The following NEBL variants were observed in gnomAD, a reference collection of about 807,000 sequenced individuals.
NEBL encodes the protein nebulette.
Under a neutral mutation model 140.2 loss-of-function variants are expected in NEBL, and 122 were observed. The observed-to-expected ratio is 0.87, with a 90% CI of 0.75 to 1.01. The LOEUF is 1.01. NEBL is among the 50% of genes least tolerant of loss of function. The pLI is 0.00. For missense variants in NEBL, 1,365 were observed against 1,231.3 expected (o/e 1.11, Z -1.62); for synonymous variants, 436 against 398.9 (o/e 1.09, Z -1.11).
At chr10:20,903,413 G>A (rs558220045) in intron 4 of NEBL, among the ~76,000 whole-genome samples, 1 of 152,210 alleles carries the variant, frequency 6.6e-6, no homozygotes, top group African/African-American at 2.4e-5. Flanking sequence ...ATACACTGCT[G>A]GTGGGAATGT....
chr10:20,996,141 T>C (rs1837656961), intron 3 of NEBL, among the ~76,000 whole-genome samples: 1 of 152,140 alleles, frequency 6.6e-6, no homozygotes, highest in African/African-American at 2.4e-5. Context: ...GCTGGAGACT[T>C]CTAGATGCTT....
intron 2 of NEBL, among the ~76,000 whole-genome samples, chr10:21,152,162 G>A (rs796192240): frequency 3.9e-5 from 6 of 152,182 alleles, no homozygotes; most frequent in Non-Finnish European, 5.9e-5. Context: ...GAATGCAGGC[G>A]GAGTCAAGTC....
chr10:20,794,521 T>C (rs1836314472), intron 26 of NEBL, among the ~76,000 whole-genome samples: 1 of 152,206 alleles, frequency 6.6e-6, no homozygotes, highest in Admixed American at 6.5e-5. Context: ...GAAATATACA[T>C]ACCATAAATG....
chr10:20,914,990 A>T, intron 4 of NEBL, among the ~76,000 whole-genome samples: 1 of 26,676 alleles, frequency 3.7e-5, no homozygotes, highest in African/African-American at 1.1e-4. Flanking sequence ...TTTTGGAGAG[A>T]TGGGGTTTCA....
chr10:20,923,192 C>T (rs1262313335), intron 4 of NEBL, among the ~76,000 whole-genome samples: 2 of 152,028 alleles, frequency 1.3e-5, no homozygotes, highest in East Asian at 1.9e-4. Flanking sequence ...CTCAGCCTCC[C>T]AAGTAGCTGG....
chr10:21,012,809 C>T (rs762213333), intron 3 of NEBL, among the ~76,000 whole-genome samples: 3 of 152,128 alleles, frequency 2.0e-5, no homozygotes, highest in Non-Finnish European at 4.4e-5. Flanking sequence ...AAATACAGCA[C>T]TCACACCTCC....
chr10:21,067,122 G>A (rs149946391), intron 2 of NEBL, among the ~76,000 whole-genome samples: 2,833 of 151,658 alleles, frequency 0.019, 86 homozygotes, highest in African/African-American at 0.065. Context: ...ACAGGCGCCC[G>A]CCACCACGCC....
chr10:20,909,627 G>A (rs988572817), intron 4 of NEBL, among the ~76,000 whole-genome samples: 1 of 152,084 alleles, frequency 6.6e-6, no homozygotes, highest in African/African-American at 2.4e-5. Context: ...AATGCTAATT[G>A]AAAATAGTAT....
chr10:21,222,568 T>A (rs1432210842), intron 3 of NEBL, among the ~76,000 whole-genome samples: 1 of 152,210 alleles, frequency 6.6e-6, no homozygotes, highest in Non-Finnish European at 1.5e-5. Flanking sequence ...GCCAAGTCAC[T>A]ACTATTTTCT....
At chr10:21,052,674 T>G (rs747599527) in intron 2 of NEBL, among the ~76,000 whole-genome samples, 1 of 152,148 alleles carries the variant, frequency 6.6e-6, no homozygotes, top group Non-Finnish European at 1.5e-5. Flanking sequence ...GCATGGATAA[T>G]CCAGTGAAAT....
chr10:20,970,181 C>T (rs754186090), intron 3 of NEBL, among the ~76,000 whole-genome samples: 20 of 152,166 alleles, frequency 1.3e-4, no homozygotes, highest in Non-Finnish European at 2.5e-4. Context: ...GTGAGCAGAG[C>T]GAGGATGGGA....
chr10:20,877,548 G>A (rs1845617301), intron 5 of NEBL, among the ~76,000 whole-genome samples: 2 of 152,176 alleles, frequency 1.3e-5, no homozygotes, highest in South Asian at 4.1e-4. Context: ...CAAGTGAGCT[G>A]TAAGCTTGCA....
intron 4 of NEBL, among the ~76,000 whole-genome samples, chr10:20,908,935 G>C (rs1848213328): frequency 6.6e-6 from 1 of 152,044 alleles, no homozygotes; most frequent in African/African-American, 2.4e-5. Context: ...AAACTTATTT[G>C]TGCTACACTT....
At chr10:21,188,526 T>C (rs749358011) in intron 3 of NEBL, among the ~76,000 whole-genome samples, 2 of 151,986 alleles carry the variant, frequency 1.3e-5, no homozygotes, top group Non-Finnish European at 2.9e-5. Flanking sequence ...GCAAAATGCC[T>C]AAGTATAATA....
At chr10:21,113,735 A>C (rs1448504804) in intron 2 of NEBL, among the ~76,000 whole-genome samples, 1 of 152,120 alleles carries the variant, frequency 6.6e-6, no homozygotes, top group Non-Finnish European at 1.5e-5. Context: ...AACATTCCAT[A>C]CATGCTTAAA....
chr10:20,934,435 C>T (rs910410841), intron 4 of NEBL, among the ~76,000 whole-genome samples: 9 of 152,314 alleles, frequency 5.9e-5, no homozygotes, highest in Non-Finnish European at 1.0e-4. Context: ...TGCCACACCA[C>T]TCCACATTTT....
chr10:20,851,840 G>A (rs1286894786), intron 10 of NEBL, among the ~76,000 whole-genome samples: 1 of 152,044 alleles, frequency 6.6e-6, no homozygotes, highest in African/African-American at 2.4e-5. Context: ...TAGAAATGAT[G>A]TATATTTCCA....
intron 5 of NEBL, among the ~76,000 whole-genome samples, chr10:20,872,233 A>G (rs2131260503): frequency 6.6e-6 from 1 of 152,262 alleles, no homozygotes; most frequent in African/African-American, 2.4e-5. Context: ...CATCCATGTA[A>G]ATTGCAAAGT....
intron 1 of NEBL, among the ~76,000 whole-genome samples, chr10:21,261,939 G>A (rs921587682): frequency 5.3e-5 from 8 of 152,276 alleles, no homozygotes; most frequent in Middle Eastern, 6.8e-3. Flanking sequence ...AGACCATGCA[G>A]GAATGGAGTC....
Sources: allele counts gnomAD v4.1 joint callset (sites outside exome capture counted in the v4.1 genomes callset), GRCh38; gene constraint gnomAD v4.1.1; transcripts MANE v1.5; gene names NCBI Gene and HGNC (gene_info 2026-07-23, HGNC 2026-07-21).